UTRN: variants seen among roughly 807,000 people sequenced by gnomAD.
UTRN encodes the protein utrophin, also known as dystrophin-related protein 1.
In UTRN, 283 loss-of-function variants were observed where a neutral mutation model predicts 463.9. That is an observed-to-expected ratio of 0.61 (90% CI 0.55 to 0.67). The LOEUF (loss-of-function observed/expected upper bound fraction) is 0.67, where lower values mean the gene tolerates loss of function less well. Ranked by LOEUF, UTRN falls within the 30% of genes least tolerant of loss-of-function variation. The pLI is 0.00. For missense variants in UTRN, 3,922 were observed against 4,084.3 expected, an observed-to-expected ratio of 0.96 and a Z score of 1.08; for synonymous variants, 1,442 against 1,431.5, an observed-to-expected ratio of 1.01 and a Z score of -0.17.
intron 38 of UTRN, 72 bp downstream of exon 38, chr6:144,516,459 G>A: frequency 6.7e-7 from 1 of 1,484,096 alleles, no homozygotes; most frequent in Non-Finnish European, 9.1e-7. Flanking sequence ...TTTACATCAA[G>A]ATGTTTGCCC....
At chr6:144,513,804 A>G in intron 35 of UTRN, 105 bp from the exon 36 acceptor site, 1 of 1,313,992 alleles carries the variant, frequency 7.6e-7, no homozygotes, top group South Asian at 1.6e-5. Context: ...TCTCCTTTAA[A>G]TTCATGGTAC....
intron 2 of UTRN, among the ~76,000 whole-genome samples, chr6:144,390,686 C>T (rs755254842): frequency 1.3e-5 from 2 of 152,154 alleles, no homozygotes; most frequent in Non-Finnish European, 2.9e-5. Flanking sequence ...TTTTACGTGC[C>T]CCAAACATAG....
At chr6:144,692,976 A>G (rs1242954201) in intron 52 of UTRN, among the ~76,000 whole-genome samples, 2 of 151,398 alleles carry the variant, frequency 1.3e-5, no homozygotes, top group Non-Finnish European at 1.5e-5. Context: ...CTATGTGTAG[A>G]ATGGTATTGC....
chr6:144,739,274 A>G (rs915195506), intron 54 of UTRN, among the ~76,000 whole-genome samples: 30 of 152,340 alleles, frequency 2.0e-4, no homozygotes, highest in Non-Finnish European at 3.8e-4. Context: ...TATTCAGTCC[A>G]CTATGTCAGT....
At chr6:144,651,201 T>C (rs922526730) in intron 51 of UTRN, among the ~76,000 whole-genome samples, 2 of 152,050 alleles carry the variant, frequency 1.3e-5, no homozygotes, top group African/African-American at 4.8e-5. Flanking sequence ...ATATGAAAAC[T>C]AGTGGAACCC....
chr6:144,649,298 G>T (rs528379104), intron 51 of UTRN, among the ~76,000 whole-genome samples: 1 of 152,316 alleles, frequency 6.6e-6, no homozygotes, highest in East Asian at 1.9e-4. Context: ...TAGGAATGAT[G>T]CCTGGTAGGT....
intron 14 of UTRN, 86 bp from the exon 15 acceptor site, chr6:144,447,125 A>G: frequency 1.5e-6 from 2 of 1,290,438 alleles, no homozygotes; most frequent in Non-Finnish European, 2.2e-6. Context: ...CTCTAATAAA[A>G]TAAAAGTTAG....
At chr6:144,767,395 A>G (rs938669484) in intron 58 of UTRN, among the ~76,000 whole-genome samples, 5 of 152,176 alleles carry the variant, frequency 3.3e-5, no homozygotes, top group Non-Finnish European at 7.4e-5. Flanking sequence ...CATGGACTCA[A>G]ATTTGGACAG....
intron 50 of UTRN, among the ~76,000 whole-genome samples, chr6:144,563,430 A>AT (rs768735878): frequency 1.3e-5 from 2 of 152,188 alleles, no homozygotes; most frequent in Non-Finnish European, 2.9e-5. Flanking sequence ...GAAGATACTT[A>AT]TATTGGGATT....
chr6:144,744,574 G>A (rs897930954), intron 54 of UTRN, among the ~76,000 whole-genome samples: 3 of 147,964 alleles, frequency 2.0e-5, no homozygotes, highest in East Asian at 2.1e-4. Flanking sequence ...GGGAAGACCC[G>A]AAGGGAGGAG....
chr6:144,668,561 A>G (rs1780665013), intron 51 of UTRN, among the ~76,000 whole-genome samples: 1 of 152,168 alleles, frequency 6.6e-6, no homozygotes, highest in Non-Finnish European at 1.5e-5. Context: ...AGATCTGGGG[A>G]CTGGGAAGTC....
chr6:144,827,473 A>G (rs1780288854), intron 67 of UTRN, 87 bp downstream of exon 67: 4 of 1,602,564 alleles, frequency 2.5e-6, no homozygotes, highest in Non-Finnish European at 3.4e-6. Context: ...GTCTAAAATA[A>G]TACTTCTGTG....
At chr6:144,392,660 G>A (rs764933615) in intron 2 of UTRN, among the ~76,000 whole-genome samples, 1 of 152,244 alleles carries the variant, frequency 6.6e-6, no homozygotes, top group Non-Finnish European at 1.5e-5. Flanking sequence ...AACTTCTCTG[G>A]AATGTTATAC....
intron 38 of UTRN, 41 bp downstream of exon 38, chr6:144,516,428 T>C: frequency 6.4e-7 from 1 of 1,574,684 alleles, no homozygotes; most frequent in Non-Finnish European, 8.6e-7. Context: ...GGTCTCATTT[T>C]TCTTCTCTAT....
Position 144,797,884 on chromosome 6 carries a change from C to T in UTRN, c.9139C>T (p.Gln3047Ter). Residue 3047 changes from glutamine (Q) to a stop codon, truncating the protein, a stop_gained, in exon 64 of 75, where the codon CAG (glutamine) becomes TAG (stop). Coordinates refer to ENST00000367545, the MANE Select transcript of UTRN (RefSeq NM_007124.3). LOFTEE classifies it high-confidence loss of function. ...EFIDWMHLEP[Q>*]SMVWLPVLHR... The stretch of plus-strand genomic sequence containing the variant: ...TATAGATTGGATGCATTTGGAACCA[C>T]AGTCCATGGTTTGGCTCCCAGTTTT... 6.2e-7 allele frequency: 1 copy of T among 1,614,148 alleles called. No individual in the cohort carries two copies. Among genetic ancestry groups the T allele is most frequent in the Non-Finnish European group, 8.5e-7 (1 of 1,180,012 alleles).
chr6:144,699,460 T>A (rs1586087533), intron 52 of UTRN, among the ~76,000 whole-genome samples: 1 of 111,602 alleles, frequency 9.0e-6, no homozygotes, highest in African/African-American at 3.2e-5. Context: ...ATAATAATAA[T>A]AATTAGTCAG....
chr6:144,426,748 CACTA>C (rs1785327280), intron 7 of UTRN, among the ~76,000 whole-genome samples: 1 of 152,192 alleles, frequency 6.6e-6, no homozygotes, highest in African/African-American at 2.4e-5. Flanking sequence ...ACTCATTCAG[CACTA>C]ACTGATAATG....
chr6:144,690,095 T>TTGTGTGTGTGTGTGTGTG (rs1554339292), intron 52 of UTRN, among the ~76,000 whole-genome samples: 34 of 33,468 alleles, frequency 1.0e-3, no homozygotes, highest in East Asian at 3.1e-3. Context: ...TTTTTTTTTT[T>TTGTGTGTGTGTGTGTGTG]TGTGTGTGTG....
In UTRN at chr6:144,827,564, A is replaced by T. The variant is rs763303378; in HGVS notation, c.9534-47A>T. On this transcript the variant is annotated intron_variant, in intron 67 of 74. Coordinates refer to ENST00000367545, the MANE Select transcript of UTRN (RefSeq NM_007124.3). ...CCTAACATTTCTAATAGTAACACCT[A>T]TCAATATTTGGGCATAAAATTATTG... The T allele has an allele frequency of 6.8e-6, 11 of 1,609,590 alleles. No individual in the cohort carries two copies. In the South Asian group the frequency reaches 1.2e-4, roughly 18 times the overall value.
Sources: allele counts gnomAD v4.1 joint callset (sites outside exome capture counted in the v4.1 genomes callset), GRCh38; gene constraint gnomAD v4.1.1; transcripts MANE v1.5; gene names NCBI Gene and HGNC (gene_info 2026-07-23, HGNC 2026-07-21).